Variants in ELOVL6 observed in about 807,000 individuals in gnomAD.
The protein encoded by ELOVL6 is very long chain fatty acid elongase 6.
In ELOVL6, 8 loss-of-function variants were observed where a neutral mutation model predicts 31.7. That is an observed-to-expected ratio of 0.25 (90% CI 0.15 to 0.45). ELOVL6 has a LOEUF of 0.45. ELOVL6 is among the 20% of genes least tolerant of loss of function. The pLI is 1.00. For synonymous variants in ELOVL6, 101 were observed against 117.7 expected (o/e 0.86, Z 0.92); for missense variants, 126 against 326.4 (o/e 0.39, Z 4.73).
chr4:110,191,389 C>T (rs1437004889), intron 1 of ELOVL6, among the ~76,000 whole-genome samples: 1 of 152,084 alleles, frequency 6.6e-6, no homozygotes, highest in Non-Finnish European at 1.5e-5. Flanking sequence ...GTAACTTTCC[C>T]TAAACCCTCC....
intron 1 of ELOVL6, among the ~76,000 whole-genome samples, chr4:110,172,509 G>C (rs1758982978): frequency 6.6e-6 from 1 of 152,098 alleles, no homozygotes; most frequent in Non-Finnish European, 1.5e-5. Flanking sequence ...CAAGTAATGA[G>C]AATTGCCTGG....
intron 2 of ELOVL6, among the ~76,000 whole-genome samples, chr4:110,060,941 C>T (rs547065727): frequency 1.7e-4 from 26 of 152,302 alleles, no homozygotes; most frequent in Admixed American, 7.8e-4. Flanking sequence ...CCAGAAAGCA[C>T]GCATCTGCCA....
intron 1 of ELOVL6, among the ~76,000 whole-genome samples, chr4:110,186,822 AATATAT>A (rs1284269627): frequency 5.0e-5 from 3 of 59,416 alleles, no homozygotes; most frequent in Non-Finnish European, 6.2e-5. Flanking sequence ...AAAAAAAAAA[AATATAT>A]ATATATATAT....
chr4:110,102,323 C>G (rs924199793), intron 2 of ELOVL6, among the ~76,000 whole-genome samples: 2 of 152,104 alleles, frequency 1.3e-5, no homozygotes, highest in African/African-American at 4.8e-5. Flanking sequence ...TAAAGTATCA[C>G]CACTGACTTC....
intron 2 of ELOVL6, among the ~76,000 whole-genome samples, chr4:110,084,279 CATATATAACTT>C (rs1756096567): frequency 8.5e-6 from 1 of 117,416 alleles, no homozygotes; most frequent in South Asian, 2.5e-4. Flanking sequence ...TGATATATAA[CATATATAACTT>C]ATATATGATA....
At chr4:110,173,900 G>A (rs1282649710) in intron 1 of ELOVL6, among the ~76,000 whole-genome samples, 3 of 151,352 alleles carry the variant, frequency 2.0e-5, no homozygotes, top group African/African-American at 7.3e-5. Context: ...TTAATACCTG[G>A]GTGATGAAAT....
At chr4:110,199,100 C>A (rs1422078264), upstream of ELOVL6, 5 of 149,498 alleles carry the variant, frequency 3.3e-5, no homozygotes, top group East Asian at 1.0e-3. Flanking sequence ...TCACGCTAAC[C>A]CAGGCCCTGC....
chr4:110,110,475 A>G (rs1757005593), intron 1 of ELOVL6, among the ~76,000 whole-genome samples: 1 of 141,694 alleles, frequency 7.1e-6, no homozygotes, highest in Non-Finnish European at 1.5e-5. Context: ...TGGTGTGATC[A>G]TGGCTCACTG....
Position 110,047,052 on chromosome 4 carries a change from A to C in ELOVL6, c.*4286T>G, listed in dbSNP as rs1229513745. 2 of 152,180 alleles carry C rather than the reference A, an allele frequency of 1.3e-5. No homozygotes were observed. Among genetic ancestry groups the C allele is most frequent in the African/African-American group, 2.4e-5 (1 of 41,438 alleles). 9.4% of individuals were successfully genotyped at this position (152,180 alleles called of 1,614,324 possible). A position where few individuals can be genotyped will look rare whatever the true frequency, so the allele number is the denominator to read the frequency against. ...GAACATAGGCTTTACGATCATCCTA[A>C]ATTGAGAGCAAGGTATTTATTATCG... On this transcript the variant is annotated 3_prime_UTR_variant, in exon 4 of 4. Transcript: ENST00000302274.
intron 1 of ELOVL6, among the ~76,000 whole-genome samples, chr4:110,182,849 G>A (rs915742019): frequency 3.3e-5 from 5 of 151,922 alleles, no homozygotes; most frequent in African/African-American, 7.3e-5. Flanking sequence ...CGGAGGTTGC[G>A]GTGAGCCAAG....
At chr4:110,161,068 A>G (rs931370055) in intron 1 of ELOVL6, among the ~76,000 whole-genome samples, 1 of 152,258 alleles carries the variant, frequency 6.6e-6, no homozygotes, top group Non-Finnish European at 1.5e-5. Flanking sequence ...GGTATAATAT[A>G]CAACCATTAC....
chr4:110,176,440 A>G (rs1033280343), intron 1 of ELOVL6, among the ~76,000 whole-genome samples: 2 of 152,090 alleles, frequency 1.3e-5, no homozygotes, highest in African/African-American at 2.4e-5. Context: ...GATTACAGGC[A>G]TGAGCCACTG....
intron 1 of ELOVL6, among the ~76,000 whole-genome samples, chr4:110,195,699 C>T (rs1356935526): frequency 6.6e-6 from 1 of 152,158 alleles, no homozygotes; most frequent in East Asian, 1.9e-4. Flanking sequence ...GACTCTGCCA[C>T]GGTATGCAAG....
intron 2 of ELOVL6, among the ~76,000 whole-genome samples, chr4:110,077,787 C>T (rs973313378): frequency 6.6e-6 from 1 of 152,106 alleles, no homozygotes; most frequent in Admixed American, 6.5e-5. Context: ...GATCAAACTA[C>T]TCCGAGCTAA....
intron 2 of ELOVL6, among the ~76,000 whole-genome samples, chr4:110,104,149 G>A (rs996640801): frequency 6.6e-6 from 1 of 152,138 alleles, no homozygotes; most frequent in Non-Finnish European, 1.5e-5. Flanking sequence ...AAAGATAAAG[G>A]TGCAGGGAAT....
intron 1 of ELOVL6, among the ~76,000 whole-genome samples, chr4:110,168,126 A>G (rs994002612): frequency 6.6e-6 from 1 of 152,196 alleles, no homozygotes; most frequent in African/African-American, 2.4e-5. Context: ...AAGAGATTCA[A>G]TGAAAAAAAG....
chr4:110,106,845 T>C (rs963185806), intron 1 of ELOVL6, among the ~76,000 whole-genome samples: 7 of 152,182 alleles, frequency 4.6e-5, no homozygotes, highest in Non-Finnish European at 1.0e-4. Flanking sequence ...ACAACAGTAC[T>C]GATAATGCCA....
intron 1 of ELOVL6, among the ~76,000 whole-genome samples, chr4:110,195,748 T>C (rs977298396): frequency 2.0e-5 from 3 of 152,174 alleles, no homozygotes; most frequent in African/African-American, 4.8e-5. Context: ...CGAGTAGTGC[T>C]GGCAATAAAA....
chr4:110,198,209 G>A, intron 1 of ELOVL6, 38 bp downstream of exon 1: 1 of 1,257,262 alleles, frequency 8.0e-7, no homozygotes, highest in Non-Finnish European at 1.2e-6. Flanking sequence ...AGACGCGCAG[G>A]GCTCCCGGGA....
Sources: allele counts gnomAD v4.1 joint callset (sites outside exome capture counted in the v4.1 genomes callset), GRCh38; gene constraint gnomAD v4.1.1; transcripts MANE v1.5; gene names NCBI Gene and HGNC (gene_info 2026-07-23, HGNC 2026-07-21).